Variants in IQGAP2 observed in about 807,000 individuals in gnomAD.
The protein encoded by IQGAP2 is ras GTPase-activating-like protein IQGAP2.
IQGAP2 carries 173 observed loss-of-function variants against 201.3 expected under a neutral mutation model. That is an observed-to-expected ratio of 0.86 (90% CI 0.76 to 0.98). The LOEUF (loss-of-function observed/expected upper bound fraction) is 0.98, where lower values mean the gene tolerates loss of function less well. IQGAP2 is among the 50% of genes least tolerant of loss of function. The pLI, the probability that IQGAP2 is intolerant of heterozygous loss-of-function variation, is 0.00. For missense variants in IQGAP2, 1,687 were observed against 1,864.8 expected (o/e 0.90, Z 1.76); for synonymous variants, 675 against 673.9 (o/e 1.00, Z -0.03).
chr5:76,664,670 G>A (rs1044889174), intron 21 of IQGAP2, among the ~76,000 whole-genome samples: 4 of 130,774 alleles, frequency 3.1e-5, no homozygotes, highest in Non-Finnish European at 5.0e-5. Context: ...GTGACAAAGC[G>A]AGACTCCATT....
At chr5:76,426,235 C>A (rs1380844949) in intron 1 of IQGAP2, among the ~76,000 whole-genome samples, 2 of 152,150 alleles carry the variant, frequency 1.3e-5, no homozygotes, top group Non-Finnish European at 2.9e-5. Flanking sequence ...GAACAGCGTG[C>A]CCCAGAAGAA....
At chr5:76,418,813 A>C (rs1401137390) in intron 1 of IQGAP2, among the ~76,000 whole-genome samples, 1 of 152,118 alleles carries the variant, frequency 6.6e-6, no homozygotes, top group Non-Finnish European at 1.5e-5. Flanking sequence ...TCTCAGGAAA[A>C]GTAGGGGGGT....
intron 1 of IQGAP2, among the ~76,000 whole-genome samples, chr5:76,452,011 T>C (rs1359293544): frequency 6.6e-6 from 1 of 152,122 alleles, no homozygotes; most frequent in East Asian, 1.9e-4. Flanking sequence ...CATTCCAGCC[T>C]GGGCAACAGA....
rs754159279 is a variant in IQGAP2 at position 76,641,029 on chromosome 5, C to A, written c.2020C>A (p.Pro674Thr). 1 of 1,611,374 alleles carries A rather than the reference C, an allele frequency of 6.2e-7. No homozygotes were observed. Among genetic ancestry groups the A allele is most frequent in the East Asian group, 2.2e-5 (1 of 44,782 alleles). The change falls in exon 17 of 36, where the codon CCC (proline) becomes ACC (threonine). Residue 674 changes from proline to threonine, a missense_variant. Coordinates refer to ENST00000274364, the MANE Select transcript of IQGAP2 (RefSeq NM_006633.5). ...LLRFQATSSG[P>T]ILREEFEARK... ...TCGCTTTCAAGCCACAAGCTCAGGA[C>A]CCATCCTTAGGGAAGAGTTTGAAGC...
In IQGAP2 at chr5:76,524,052, G is replaced by C. The variant is rs560996436; in HGVS notation, c.147-38344G>C. Among the ~76,000 whole-genome samples the C allele has an allele frequency of 2.6e-4, 39 of 152,214 alleles. 2 individuals carry two copies. The South Asian group carries it at 8.1e-3, about 32-fold the overall frequency. ...GATCTCTTTAGGAGTCTATAAATCT[G>C]GGGCATGTGCTGTGAGATGTGTGCA... On this transcript the variant is annotated intron_variant, in intron 2 of 35. Transcript: ENST00000274364.
At chr5:76,516,735 C>G (rs1350524273) in intron 2 of IQGAP2, among the ~76,000 whole-genome samples, 1 of 152,164 alleles carries the variant, frequency 6.6e-6, no homozygotes, top group Non-Finnish European at 1.5e-5. Flanking sequence ...GACGGTTGAA[C>G]ATGTGTGAAT....
intron 1 of IQGAP2, among the ~76,000 whole-genome samples, chr5:76,427,145 C>G (rs1396138450): frequency 1.3e-5 from 2 of 152,112 alleles, no homozygotes; most frequent in Non-Finnish European, 2.9e-5. Context: ...TTAGTATCAT[C>G]CCTGACACAC....
At chr5:76,512,094 C>A (rs1335114343) in intron 2 of IQGAP2, among the ~76,000 whole-genome samples, 1 of 152,166 alleles carries the variant, frequency 6.6e-6, no homozygotes, top group Admixed American at 6.5e-5. Flanking sequence ...GATTCTAATT[C>A]TTATTCTCAT....
At chr5:76,566,109 A>C (rs572534274) in intron 3 of IQGAP2, among the ~76,000 whole-genome samples, 1 of 152,276 alleles carries the variant, frequency 6.6e-6, no homozygotes, top group African/African-American at 2.4e-5. Flanking sequence ...TCCATGCAAC[A>C]CTTATGAAGA....
In IQGAP2 at chr5:76,697,913, C is replaced by T. The variant is rs536730026; in HGVS notation, c.4207-74C>T. 1.2e-4 allele frequency: 141 copies of T among 1,172,058 alleles called. 1 individual carries two copies. The Middle Eastern group carries it at 1.3e-3, about 11-fold the overall frequency. The allele number at this position is 1,172,058 out of a possible 1,614,324, so 72.6% of individuals were successfully genotyped here. ...TAGCGACTTACTACTGCTTGATATT[C>T]TTCTTGTCCCAAACTGGCAATATCA... On this transcript the variant is annotated intron_variant, in intron 32 of 35. Transcript: ENST00000274364.
Position 76,600,912 on chromosome 5 carries a change from A to G in IQGAP2, c.1172A>G (p.Gln391Arg), listed in dbSNP as rs1747386501. 3 of 1,614,158 alleles carry G rather than the reference A, an allele frequency of 1.9e-6. No individual in the cohort carries two copies. The highest frequency in any genetic ancestry group is 2.5e-6 in the Non-Finnish European group (3 of 1,179,994). The change falls in exon 11 of 36, where the codon CAG (glutamine) becomes CGG (arginine). Residue 391 changes from glutamine to arginine, a missense_variant. Coordinates refer to ENST00000274364, the MANE Select transcript of IQGAP2 (RefSeq NM_006633.5). ...ALESNDLVSV[Q>R]NQLRSPAIGL... ...GAAAGCAACGATCTTGTGTCTGTGC[A>G]GAATCAACTCAGAAGCCCCGCAATA...
At chr5:76,616,705 T>C (rs2069688) in intron 13 of IQGAP2, 69 of 151,998 alleles carry the variant, frequency 4.5e-4, no homozygotes, top group African/African-American at 1.5e-3. Context: ...AAAAATAAAA[T>C]TAGTTGGGTA....
At chr5:76,559,317 C>T (rs1744172803) in intron 2 of IQGAP2, among the ~76,000 whole-genome samples, 1 of 152,216 alleles carries the variant, frequency 6.6e-6, no homozygotes, top group African/African-American at 2.4e-5. Flanking sequence ...CCCTCAACAT[C>T]TCACAATGGG....
At chr5:76,591,186 TAG>T (rs1233661817) in intron 8 of IQGAP2, among the ~76,000 whole-genome samples, 1 of 152,176 alleles carries the variant, frequency 6.6e-6, no homozygotes, top group African/African-American at 2.4e-5. Context: ...CCAGGAAGTG[TAG>T]AAGTAGCAAC....
chr5:76,674,501 C>A lies in IQGAP2; in HGVS notation c.3319C>A (p.Arg1107=). ...GATTGTTGGAAACCTCCTGTACTAT[C>A]GGTACATGAATCCAGCCATTGTAGC... The part of the protein sequence containing the change: ...LKIVGNLLYY[R]YMNPAIVAPD... The change falls in exon 27 of 36, where the codon CGG becomes AGG. Residue 1107 remains arginine (R), a synonymous_variant. Coordinates refer to ENST00000274364, the MANE Select transcript of IQGAP2 (RefSeq NM_006633.5). The A allele has an allele frequency of 6.2e-7, 1 of 1,613,074 alleles. No individual in the cohort carries two copies. The highest frequency in any genetic ancestry group is 8.5e-7 in the Non-Finnish European group (1 of 1,179,098).
intron 2 of IQGAP2, among the ~76,000 whole-genome samples, chr5:76,465,079 T>C (rs1309771609): frequency 6.6e-6 from 1 of 152,184 alleles, no homozygotes; most frequent in African/African-American, 2.4e-5. Context: ...TTCTGAGGCC[T>C]ACATTACCCT....
intron 2 of IQGAP2, among the ~76,000 whole-genome samples, chr5:76,544,557 AC>A: frequency 6.6e-6 from 1 of 152,360 alleles, no homozygotes; most frequent in East Asian, 1.9e-4. Flanking sequence ...TAGCTAAGGC[AC>A]ACCAGGATGC....
intron 14 of IQGAP2, among the ~76,000 whole-genome samples, chr5:76,631,082 A>G (rs1410457409): frequency 6.6e-6 from 1 of 152,172 alleles, no homozygotes; most frequent in Non-Finnish European, 1.5e-5. Flanking sequence ...GATGTTTTTC[A>G]TGTAGGAAGT....
At chr5:76,650,218 A>G (rs1580722266) in intron 17 of IQGAP2, among the ~76,000 whole-genome samples, 1 of 152,234 alleles carries the variant, frequency 6.6e-6, no homozygotes, top group South Asian at 2.1e-4. Context: ...GGCATGAGCC[A>G]TCATGTCCAG....
Sources: gnomAD v4.1 joint callset for allele counts (sites outside exome capture counted in the v4.1 genomes callset) on GRCh38, gnomAD v4.1.1 for gene constraint, MANE v1.5 for transcripts, NCBI Gene and HGNC (gene_info 2026-07-23, HGNC 2026-07-21) for gene names.